Variants in SBF2 observed in about 807,000 individuals in gnomAD.
The protein encoded by SBF2 is myotubularin-related protein 13.
In SBF2, 112 loss-of-function variants were observed where a neutral mutation model predicts 225.2. The ratio of observed to expected loss-of-function variants is 0.50; its 90% CI spans 0.43 to 0.58. The LOEUF is 0.58. Among genes scored for constraint, SBF2 ranks in the 20% least tolerant of loss-of-function variants. SBF2 has a pLI of 0.00. For missense variants in SBF2, 1,996 were observed against 2,206.2 expected, an observed-to-expected ratio of 0.90 and a Z score of 1.91; for synonymous variants, 763 against 773.3, an observed-to-expected ratio of 0.99 and a Z score of 0.22.
At chr11:10,259,502 C>G (rs958264225) in intron 1 of SBF2, among the ~76,000 whole-genome samples, 5 of 152,176 alleles carry the variant, frequency 3.3e-5, no homozygotes, top group Non-Finnish European at 7.4e-5. Context: ...AATCCTATTT[C>G]TAGATGTAAA....
intron 1 of SBF2, among the ~76,000 whole-genome samples, chr11:10,248,445 A>G (rs914469861): frequency 6.6e-6 from 1 of 152,214 alleles, no homozygotes; most frequent in Non-Finnish European, 1.5e-5. Flanking sequence ...ACAGTTAGGT[A>G]AGGCTTGGGA....
intron 1 of SBF2, among the ~76,000 whole-genome samples, chr11:10,208,878 A>G (rs1957837118): frequency 6.6e-6 from 1 of 152,126 alleles, no homozygotes; most frequent in African/African-American, 2.4e-5. Context: ...TACCACTTTC[A>G]CTATGTTTAA....
At chr11:10,016,471 G>A (rs879884858) in intron 6 of SBF2, 1 of 151,768 alleles carries the variant, frequency 6.6e-6, no homozygotes, top group East Asian at 1.9e-4. Context: ...GCTTTCTTAA[G>A]TTTTACATTA....
chr11:9,965,937 A>G (rs1451062420), intron 14 of SBF2, among the ~76,000 whole-genome samples: 1 of 152,236 alleles, frequency 6.6e-6, no homozygotes, highest in African/African-American at 2.4e-5. Context: ...CTATATTAGA[A>G]TAGAAAACTT....
chr11:10,233,460 CT>C (rs776156499), intron 1 of SBF2, among the ~76,000 whole-genome samples: 37 of 152,082 alleles, frequency 2.4e-4, no homozygotes, highest in South Asian at 8.3e-4. Context: ...ATTTCATAAT[CT>C]TAATCTTATA....
At chr11:10,198,918 A>G (rs143677690) in intron 1 of SBF2, among the ~76,000 whole-genome samples, 1 of 152,324 alleles carries the variant, frequency 6.6e-6, no homozygotes, top group Non-Finnish European at 1.5e-5. Flanking sequence ...CTTTGTCTTA[A>G]GAAAATGTTG....
intron 17 of SBF2, among the ~76,000 whole-genome samples, chr11:9,874,919 G>A (rs868023152): frequency 2.0e-5 from 3 of 152,156 alleles, no homozygotes; most frequent in Admixed American, 1.3e-4. Flanking sequence ...TGAAGAGAAA[G>A]GAGACCAACC....
At chr11:10,098,148 T>C (rs988353920) in intron 2 of SBF2, among the ~76,000 whole-genome samples, 1 of 152,094 alleles carries the variant, frequency 6.6e-6, no homozygotes, top group Admixed American at 6.5e-5. Context: ...ACCCTATATG[T>C]GCCCCTGCAG....
At chr11:10,037,898 C>T (rs557164404) in intron 3 of SBF2, among the ~76,000 whole-genome samples, 7 of 152,048 alleles carry the variant, frequency 4.6e-5, no homozygotes, top group Non-Finnish European at 7.4e-5. Context: ...CTTTTTATTA[C>T]TCCATTTTCC....
intron 32 of SBF2, among the ~76,000 whole-genome samples, chr11:9,798,962 A>AAC (rs1554903794): frequency 7.9e-5 from 12 of 151,418 alleles, no homozygotes; most frequent in African/African-American, 2.9e-4. Flanking sequence ...AAAAAAAAAA[A>AAC]AAACCAAAAA....
chr11:10,184,903 T>A (rs534812613), intron 2 of SBF2, among the ~76,000 whole-genome samples: 1 of 152,290 alleles, frequency 6.6e-6, no homozygotes, highest in African/African-American at 2.4e-5. Context: ...ATTTTTTGTA[T>A]TTTTAGTAGA....
At chr11:9,830,596 TG>T (rs1198590525) in intron 27 of SBF2, among the ~76,000 whole-genome samples, 1 of 151,622 alleles carries the variant, frequency 6.6e-6, no homozygotes, top group East Asian at 1.9e-4. Flanking sequence ...AAAAATTAGC[TG>T]GGTGTAGTGG....
chr11:10,244,163 T>G (rs59060963), intron 1 of SBF2, among the ~76,000 whole-genome samples: 2,060 of 152,366 alleles, frequency 0.014, 44 homozygotes, highest in African/African-American at 0.039. Flanking sequence ...TTGTCTTTCT[T>G]GCCTGTGATT....
intron 2 of SBF2, among the ~76,000 whole-genome samples, chr11:10,113,147 C>T (rs1261976075): frequency 6.6e-6 from 1 of 151,948 alleles, no homozygotes; most frequent in African/African-American, 2.4e-5. Flanking sequence ...GTGCACACCA[C>T]CACATCTGGC....
intron 1 of SBF2, among the ~76,000 whole-genome samples, chr11:10,301,164 C>T (rs1964595791): frequency 6.6e-6 from 1 of 152,200 alleles, no homozygotes; most frequent in South Asian, 2.1e-4. Context: ...CCTCCTTGCC[C>T]TTACCACTAT....
chr11:10,067,670 G>C (rs1950678623), intron 2 of SBF2, among the ~76,000 whole-genome samples: 1 of 152,152 alleles, frequency 6.6e-6, no homozygotes, highest in East Asian at 1.9e-4. Flanking sequence ...CAAGGCAGAA[G>C]GATTGCTTGA....
intron 17 of SBF2, among the ~76,000 whole-genome samples, chr11:9,871,719 C>T (rs1405567907): frequency 6.6e-6 from 1 of 152,016 alleles, no homozygotes; most frequent in African/African-American, 2.4e-5. Flanking sequence ...TCTTGATCTC[C>T]TGACCTCGTG....
At chr11:10,299,254 C>T (rs1484824370) in intron 1 of SBF2, among the ~76,000 whole-genome samples, 1 of 144,870 alleles carries the variant, frequency 6.9e-6, no homozygotes, top group Non-Finnish European at 1.5e-5. Flanking sequence ...AAAAGAATGG[C>T]GTGAACCCAG....
chr11:9,905,879 A>C (rs1025332432), intron 16 of SBF2, among the ~76,000 whole-genome samples: 1 of 152,348 alleles, frequency 6.6e-6, no homozygotes, highest in East Asian at 1.9e-4. Context: ...GAGAATATTA[A>C]AATCAACTAA....
Sources: allele counts gnomAD v4.1 joint callset (sites outside exome capture counted in the v4.1 genomes callset), GRCh38; gene constraint gnomAD v4.1.1; transcripts MANE v1.5; gene names NCBI Gene and HGNC (gene_info 2026-07-23, HGNC 2026-07-21).